The following C12orf42 variants were observed in gnomAD, a reference collection of about 807,000 sequenced individuals.
C12orf42 encodes the protein uncharacterized protein C12orf42.
Under a neutral mutation model 21.6 loss-of-function variants are expected in C12orf42, and 25 were observed. That is an observed-to-expected ratio of 1.16 (90% CI 0.84 to 1.62). The LOEUF is 1.62. Among genes scored for constraint, C12orf42 ranks in the 40% most tolerant of loss-of-function variants. The probability of loss-of-function intolerance (pLI) is 0.00; values close to 1 mark genes in which losing one functional copy is unlikely to be tolerated. For missense variants in C12orf42, 483 were observed against 459.3 expected, an observed-to-expected ratio of 1.05 and a Z score of -0.47; for synonymous variants, 174 against 175.0, an observed-to-expected ratio of 0.99 and a Z score of 0.05.
the C12orf42 span, among the ~76,000 whole-genome samples, chr12:103,520,135 A>C: frequency 1.3e-5 from 2 of 152,178 alleles, no homozygotes; most frequent in Non-Finnish European, 2.9e-5. Context: ...GTGGTCATAG[A>C]AGAGGGAAAG....
chr12:103,323,739 A>C (rs2040409058), intron 4 of C12orf42, among the ~76,000 whole-genome samples: 1 of 152,296 alleles, frequency 6.6e-6, no homozygotes, highest in African/African-American at 2.4e-5. Context: ...TGATATTTCT[A>C]TTTTTGGAAT....
chr12:103,330,666 T>G (rs2041167525), intron 4 of C12orf42, among the ~76,000 whole-genome samples: 2 of 152,216 alleles, frequency 1.3e-5, no homozygotes. Context: ...GAGTATTATT[T>G]TTTGGTGGCC....
rs1949902339 is a variant in C12orf42, at chr12:103,427,272, G to A, written c.79-25597C>T. ...AAAGGGATGGAGGAATATTTACCAA[G>A]CAAATGGAAAGCAAAAAAAAAAGAA... On this transcript the variant is annotated intron_variant, in intron 2 of 5. Transcript: ENST00000548883. Among the ~76,000 whole-genome samples the A allele has an allele frequency of 2.5e-5, 3 of 121,250 alleles. No homozygotes were observed. The South Asian group carries it at 8.4e-4, about 34-fold the overall frequency. 79.5% of individuals were successfully genotyped at this position (121,250 alleles called of 152,430 possible). A position where few individuals can be genotyped will look rare whatever the true frequency, so the allele number is the denominator to read the frequency against.
intron 2 of C12orf42, among the ~76,000 whole-genome samples, chr12:103,435,364 G>A (rs1436378164): frequency 2.0e-5 from 3 of 152,242 alleles, no homozygotes; most frequent in Admixed American, 6.5e-5. Context: ...CCAAAGGAAC[G>A]CAGTTCCTCA....
chr12:103,355,371 G>A (rs745477867), intron 4 of C12orf42, among the ~76,000 whole-genome samples: 1 of 152,132 alleles, frequency 6.6e-6, no homozygotes. Flanking sequence ...CTGTATTGGT[G>A]TATGTATCTG....
At chr12:103,532,517 A>T in the C12orf42 span, among the ~76,000 whole-genome samples, 2 of 152,220 alleles carry the variant, frequency 1.3e-5, no homozygotes, top group Non-Finnish European at 2.9e-5. Context: ...GAAAATTGTA[A>T]AACAATATTG....
At chr12:103,326,467 A>T (rs1306561430) in intron 4 of C12orf42, among the ~76,000 whole-genome samples, 2 of 152,098 alleles carry the variant, frequency 1.3e-5, no homozygotes, top group Admixed American at 1.3e-4. Flanking sequence ...TTACAGAAAA[A>T]TTAAGATTTA....
At chr12:103,401,780 C>T (rs1180336616) in intron 2 of C12orf42, 105 bp from the exon 3 acceptor site, 4 of 1,021,976 alleles carry the variant, frequency 3.9e-6, no homozygotes, top group Admixed American at 4.2e-5. Context: ...CTAATTCTTT[C>T]AAACAATGGC....
At chr12:103,083,201 CAAAAATACA>C in the C12orf42 span, among the ~76,000 whole-genome samples, 1 of 151,946 alleles carries the variant, frequency 6.6e-6, no homozygotes, top group Non-Finnish European at 1.5e-5. Flanking sequence ...CCCGTCTCTA[CAAAAATACA>C]AAAATTAGCC....
downstream of C12orf42, among the ~76,000 whole-genome samples, chr12:103,298,558 C>T (rs2037451910): frequency 6.6e-6 from 1 of 152,106 alleles, no homozygotes; most frequent in African/African-American, 2.4e-5. Flanking sequence ...TCAATGCCAC[C>T]CCCATCAATC....
intron 3 of C12orf42, among the ~76,000 whole-genome samples, chr12:103,369,497 G>A (rs1203354620): frequency 6.6e-6 from 1 of 151,938 alleles, no homozygotes; most frequent in Non-Finnish European, 1.5e-5. Context: ...CTCAGATGGA[G>A]TAGCCATGTG....
At chr12:103,513,543 TCAGCC>T in the C12orf42 span, among the ~76,000 whole-genome samples, 1 of 152,152 alleles carries the variant, frequency 6.6e-6, no homozygotes, top group East Asian at 1.9e-4. Context: ...AACTTTATGA[TCAGCC>T]TTCCCCTCAA....
intron 1 of C12orf42, among the ~76,000 whole-genome samples, chr12:103,479,065 T>C (rs563042375): frequency 1.2e-4 from 18 of 152,178 alleles, no homozygotes; most frequent in Middle Eastern, 3.4e-3. Flanking sequence ...AAGAAGCAAA[T>C]AAAACTTAGG....
At chr12:103,132,021 A>C in the C12orf42 span, among the ~76,000 whole-genome samples, 2 of 152,290 alleles carry the variant, frequency 1.3e-5, no homozygotes, top group Admixed American at 1.3e-4. Context: ...CAAACCGTCT[A>C]TCAAGAAGGA....
intron 2 of C12orf42, among the ~76,000 whole-genome samples, chr12:103,420,153 T>C (rs1035405224): frequency 1.3e-5 from 2 of 152,224 alleles, no homozygotes; most frequent in African/African-American, 2.4e-5. Context: ...TGTAAACATA[T>C]GTTTTTTCAA....
the C12orf42 span, among the ~76,000 whole-genome samples, chr12:103,550,219 C>A: frequency 6.6e-6 from 1 of 152,068 alleles, no homozygotes; most frequent in East Asian, 1.9e-4. Context: ...TACATCCATT[C>A]ATCTACTTTT....
intron 1 of C12orf42, among the ~76,000 whole-genome samples, chr12:103,483,199 A>G (rs1954592699): frequency 6.6e-6 from 1 of 152,118 alleles, no homozygotes. Context: ...AGTGAACTCT[A>G]ATGTGAACTA....
the C12orf42 span, among the ~76,000 whole-genome samples, chr12:103,223,124 T>C: frequency 6.6e-6 from 1 of 152,132 alleles, no homozygotes; most frequent in African/African-American, 2.4e-5. Flanking sequence ...CAGATAGACA[T>C]TCCTGCCTTC....
chr12:103,305,965 G>A lies in C12orf42; in HGVS notation c.631+9C>T. ...CAAGAAGAGTCAGTAACCACAACAT[G>A]ATACTTACCAGAATTTTTCTTGGGA... On this transcript the variant is annotated intron_variant, in intron 5 of 5. Coordinates refer to ENST00000548883, the MANE Select transcript of C12orf42 (RefSeq NM_198521.5). 1 of 1,595,718 alleles carries A rather than the reference G, an allele frequency of 6.3e-7. No homozygotes were observed. Among genetic ancestry groups the A allele is most frequent in the Non-Finnish European group, 8.6e-7 (1 of 1,166,632 alleles).
Sources: gnomAD v4.1 joint callset for allele counts (sites outside exome capture counted in the v4.1 genomes callset) on GRCh38, gnomAD v4.1.1 for gene constraint, MANE v1.5 for transcripts, NCBI Gene and HGNC (gene_info 2026-07-23, HGNC 2026-07-21) for gene names.